Variants in BICC1 observed in about 807,000 individuals in gnomAD.
BICC1 encodes protein bicaudal C homolog 1.
Under a neutral mutation model 111.0 loss-of-function variants are expected in BICC1, and 43 were observed. The ratio of observed to expected loss-of-function variants is 0.39; its 90% CI spans 0.30 to 0.50. The LOEUF is 0.50. BICC1 is among the 20% of genes least tolerant of loss of function. The pLI, the probability that BICC1 is intolerant of heterozygous loss-of-function variation, is 0.88. For synonymous variants in BICC1, 467 were observed against 434.4 expected, an observed-to-expected ratio of 1.07 and a Z score of -0.93; for missense variants, 1,091 against 1,203.2, an observed-to-expected ratio of 0.91 and a Z score of 1.38.
At chr10:58,787,184 A>T in intron 5 of BICC1, 103 bp downstream of exon 5, 1 of 1,042,022 alleles carries the variant, frequency 9.6e-7, no homozygotes, top group Non-Finnish European at 1.4e-6. Context: ...CAAAAAAAAA[A>T]TCACATAGAT....
intron 2 of BICC1, among the ~76,000 whole-genome samples, chr10:58,637,207 A>AT (rs544739021): frequency 6.6e-5 from 10 of 151,888 alleles, no homozygotes; most frequent in African/African-American, 1.7e-4. Flanking sequence ...TCGAGTGAAG[A>AT]TTTTTTTTCT....
chr10:58,709,745 G>T (rs1461346463), intron 3 of BICC1, among the ~76,000 whole-genome samples: 1 of 152,166 alleles, frequency 6.6e-6, no homozygotes, highest in Non-Finnish European at 1.5e-5. Flanking sequence ...GACCCCTTAA[G>T]TAAAAAAATG....
In BICC1 at chr10:58,542,130, G is replaced by A. The variant is rs531630694; in HGVS notation, c.190+28797G>A. Among the ~76,000 whole-genome samples the A allele has an allele frequency of 8.2e-3, 1,006 of 121,982 alleles. 15 individuals carry two copies. The highest frequency in any genetic ancestry group is 0.03 in the African/African-American group (967 of 32,690). 80.0% of individuals were successfully genotyped at this position (121,982 alleles called of 152,430 possible). A position where few individuals can be genotyped will look rare whatever the true frequency, so the allele number is the denominator to read the frequency against. On this transcript the variant is annotated intron_variant, in intron 1 of 20. Transcript: ENST00000373886. ...CACGCCACTGCACTCCAGCCCAGGT[G>A]ACAGAGCAAGACCCTGTCTCAAAAA...
chr10:58,735,667 G>A (rs1022650882), intron 3 of BICC1, among the ~76,000 whole-genome samples: 3 of 152,138 alleles, frequency 2.0e-5, no homozygotes, highest in African/African-American at 7.2e-5. Context: ...CTGATTATTC[G>A]ATCGTGTGAA....
At chr10:58,782,313 C>A (rs1842903821) in intron 3 of BICC1, among the ~76,000 whole-genome samples, 1 of 152,168 alleles carries the variant, frequency 6.6e-6, no homozygotes, top group African/African-American at 2.4e-5. Context: ...TCATACCACT[C>A]AAAACTTACT....
chr10:58,667,958 G>T (rs985455468), intron 2 of BICC1, among the ~76,000 whole-genome samples: 1 of 152,008 alleles, frequency 6.6e-6, no homozygotes, highest in African/African-American at 2.4e-5. Flanking sequence ...AAGTGTTCAT[G>T]GATACCAGAT....
chr10:58,751,313 T>C (rs1841986138), intron 3 of BICC1, among the ~76,000 whole-genome samples: 1 of 152,228 alleles, frequency 6.6e-6, no homozygotes, highest in Admixed American at 6.5e-5. Flanking sequence ...GTTGAAACAC[T>C]GATCACTGCC....
Position 58,759,395 on chromosome 10 carries a change from C to G in BICC1, c.308-25606C>G, listed in dbSNP as rs201564580. Among the ~76,000 whole-genome samples, 3 of 152,086 alleles carry G rather than the reference C, an allele frequency of 2.0e-5. No homozygotes were observed. The East Asian group carries it at 5.8e-4, about 29-fold the overall frequency. The stretch of plus-strand genomic sequence containing the variant: ...ACTTTTCTAGAGAGAGAACACTAGT[C>G]TAAATATCTAGGAAGCAGGCATTTA... On this transcript the variant is annotated intron_variant, in intron 3 of 20. Transcript: ENST00000373886.
intron 3 of BICC1, among the ~76,000 whole-genome samples, chr10:58,770,481 A>T (rs1466272248): frequency 6.7e-6 from 1 of 148,618 alleles, no homozygotes; most frequent in African/African-American, 2.6e-5. Flanking sequence ...CAAATAGTAT[A>T]AAAAAATTTC....
At chr10:58,525,981 G>A (rs1842530090) in intron 1 of BICC1, among the ~76,000 whole-genome samples, 1 of 128,320 alleles carries the variant, frequency 7.8e-6, no homozygotes, top group Non-Finnish European at 1.8e-5. Flanking sequence ...TAACGAATGT[G>A]ATTACATGGC....
At chr10:58,754,748 G>C (rs1356264001) in intron 3 of BICC1, among the ~76,000 whole-genome samples, 1 of 124,608 alleles carries the variant, frequency 8.0e-6, no homozygotes, top group East Asian at 2.3e-4. Context: ...AAACTTGTGA[G>C]GGGGGGTGTG....
chr10:58,627,504 A>G (rs1837668301), intron 2 of BICC1, among the ~76,000 whole-genome samples: 1 of 152,206 alleles, frequency 6.6e-6, no homozygotes, highest in Non-Finnish European at 1.5e-5. Context: ...AGACTTCCTC[A>G]TTTATGGTTG....
intron 3 of BICC1, among the ~76,000 whole-genome samples, chr10:58,724,379 CTGTGTGTG>C (rs879527332): frequency 6.6e-6 from 1 of 151,484 alleles, no homozygotes; most frequent in African/African-American, 2.4e-5. Flanking sequence ...AACTCTGTGT[CTGTGTGTG>C]TGTGTATATG....
chr10:58,525,702 T>TAAAATATGA (rs376755147), intron 1 of BICC1, among the ~76,000 whole-genome samples: 1 of 150,806 alleles, frequency 6.6e-6, no homozygotes, highest in Non-Finnish European at 1.5e-5. Context: ...CCCTAAAACT[T>TAAAATATGA]TAATAATAAA....
rs185586629 is a variant in BICC1, at chr10:58,646,233, T to C, written c.237+25332T>C. ...GGAAATGCAGACTAATTTTGAAGGCTAACAGTTTAAAAGTCAGCATCTTTT... is the reference window on the plus strand; with the variant it reads ...GGAAATGCAGACTAATTTTGAAGGCCAACAGTTTAAAAGTCAGCATCTTTT... On this transcript the variant is annotated intron_variant, in intron 2 of 20. Transcript: ENST00000373886. Among the ~76,000 whole-genome samples, 382 of 152,300 alleles carry C rather than the reference T, an allele frequency of 2.5e-3. 2 individuals carry two copies. Among genetic ancestry groups the C allele is most frequent in the African/African-American group, 8.5e-3 (353 of 41,572 alleles).
chr10:58,666,166 A>G (rs1464062237), intron 2 of BICC1, among the ~76,000 whole-genome samples: 1 of 152,218 alleles, frequency 6.6e-6, no homozygotes. Context: ...AAATTTATAG[A>G]CAAAAAAACG....
At chr10:58,574,726 AT>A (rs1304401819) in intron 1 of BICC1, among the ~76,000 whole-genome samples, 1 of 152,188 alleles carries the variant, frequency 6.6e-6, no homozygotes, top group Non-Finnish European at 1.5e-5. Flanking sequence ...ATTTTTAAAA[AT>A]AACATAAAAC....
At chr10:58,636,393 T>C (rs1837954484) in intron 2 of BICC1, among the ~76,000 whole-genome samples, 2 of 152,204 alleles carry the variant, frequency 1.3e-5, no homozygotes, top group Admixed American at 6.5e-5. Flanking sequence ...TTAAATATTA[T>C]TAAAGCAATA....
chr10:58,641,754 T>G (rs563596620), intron 2 of BICC1, among the ~76,000 whole-genome samples: 44 of 152,322 alleles, frequency 2.9e-4, no homozygotes, highest in African/African-American at 1.0e-3. Context: ...TTTGAGAGAT[T>G]CTTTTTTCAA....
Sources: gnomAD v4.1 joint callset for allele counts (sites outside exome capture counted in the v4.1 genomes callset) on GRCh38, gnomAD v4.1.1 for gene constraint, MANE v1.5 for transcripts, NCBI Gene and HGNC (gene_info 2026-07-23, HGNC 2026-07-21) for gene names.